The following ERBB4 variants were observed in gnomAD, a reference collection of about 807,000 sequenced individuals.
ERBB4 encodes the protein erb-b2 receptor tyrosine kinase 4.
ERBB4 carries 42 observed loss-of-function variants against 158.0 expected under a neutral mutation model. That is an observed-to-expected ratio of 0.27 (90% confidence interval 0.21 to 0.34). ERBB4 has a LOEUF of 0.34. Ranked by LOEUF, ERBB4 falls within the 10% of genes least tolerant of loss-of-function variation. ERBB4 has a pLI of 1.00. For missense variants in ERBB4, 1,333 were observed against 1,624.1 expected (o/e 0.82, Z 3.08); for synonymous variants, 583 against 558.7 (o/e 1.04, Z -0.61).
intron 14 of ERBB4, 98 bp from the exon 15 acceptor site, chr2:211,665,575 G>A: frequency 8.8e-7 from 1 of 1,132,778 alleles, no homozygotes; most frequent in Non-Finnish European, 1.3e-6. Context: ...TCAGTAGGTG[G>A]CAAATCTTCC....
At chr2:212,451,602 A>C (rs1424246150) in intron 1 of ERBB4, among the ~76,000 whole-genome samples, 1 of 152,212 alleles carries the variant, frequency 6.6e-6, no homozygotes, top group African/African-American at 2.4e-5. Flanking sequence ...AAATTGACAC[A>C]CACCTAGTTT....
In ERBB4 at chr2:211,536,362, G is replaced by A. The variant is rs150670976; in HGVS notation, c.2487+25541C>T. Among the ~76,000 whole-genome samples, 17 of 115,656 alleles carry A rather than the reference G, an allele frequency of 1.5e-4. 1 individual carries two copies. In the East Asian group the frequency reaches 4.8e-3, roughly 33 times the overall value. 75.9% of individuals were successfully genotyped at this position (115,656 alleles called of 152,430 possible). On this transcript the variant is annotated intron_variant, in intron 20 of 27. Coordinates refer to ENST00000342788, the MANE Select transcript of ERBB4 (RefSeq NM_005235.3). ...CAAATAAATAGAAGTCATTGGGTAT[G>A]GAAATCAACAAACCCTAAACTTGAA...
intron 20 of ERBB4, among the ~76,000 whole-genome samples, chr2:211,474,078 AT>A (rs1388588023): frequency 6.6e-6 from 1 of 151,518 alleles, no homozygotes; most frequent in Non-Finnish European, 1.5e-5. Context: ...AAAAAAATCT[AT>A]TTTTCTTTGT....
intron 20 of ERBB4, among the ~76,000 whole-genome samples, chr2:211,458,487 G>A (rs566539763): frequency 2.6e-5 from 4 of 151,820 alleles, no homozygotes; most frequent in African/African-American, 9.7e-5. Flanking sequence ...AGATGGTCTC[G>A]ATCTCCTGAC....
intron 1 of ERBB4, among the ~76,000 whole-genome samples, chr2:212,487,155 C>G (rs958477782): frequency 2.6e-5 from 4 of 152,056 alleles, no homozygotes; most frequent in South Asian, 2.1e-4. Context: ...AAAGACAGTA[C>G]TGTGCCAGAA....
At chr2:211,487,264 G>A (rs985119336) in intron 20 of ERBB4, among the ~76,000 whole-genome samples, 25 of 150,254 alleles carry the variant, frequency 1.7e-4, no homozygotes, top group African/African-American at 5.9e-4. Context: ...TTTTGTCCTT[G>A]AGATAGTAAA....
At chr2:211,608,736 T>C (rs73078786) in intron 19 of ERBB4, among the ~76,000 whole-genome samples, 1,960 of 152,262 alleles carry the variant, frequency 0.013, 36 homozygotes, top group African/African-American at 0.044. Context: ...AGTTAAATTA[T>C]TTTCCACTAT....
intron 25 of ERBB4, among the ~76,000 whole-genome samples, chr2:211,410,374 A>G (rs2063232835): frequency 6.6e-6 from 1 of 152,238 alleles, no homozygotes; most frequent in Non-Finnish European, 1.5e-5. Context: ...CACCTCTTTC[A>G]CATGTGTAAA....
chr2:212,279,638 CT>C (rs1559912569), intron 1 of ERBB4, among the ~76,000 whole-genome samples: 1 of 151,408 alleles, frequency 6.6e-6, no homozygotes, highest in East Asian at 1.9e-4. Flanking sequence ...ATAGCTTTTG[CT>C]TTTTTAATTA....
intron 3 of ERBB4, among the ~76,000 whole-genome samples, chr2:211,840,455 C>CA (rs1375230416): frequency 1.3e-5 from 2 of 152,076 alleles, no homozygotes; most frequent in Non-Finnish European, 2.9e-5. Flanking sequence ...CGTTTGCCCT[C>CA]AGCATATCAC....
intron 3 of ERBB4, among the ~76,000 whole-genome samples, chr2:211,899,916 G>C (rs1291036114): frequency 6.6e-6 from 1 of 152,070 alleles, no homozygotes; most frequent in Admixed American, 6.6e-5. Context: ...TCTAAAATTG[G>C]AATAAACGGA....
chr2:211,969,171 T>C (rs1009604338), intron 2 of ERBB4, among the ~76,000 whole-genome samples: 2 of 151,710 alleles, frequency 1.3e-5, no homozygotes, highest in Non-Finnish European at 2.9e-5. Flanking sequence ...GCATACCCCC[T>C]TTAGGAAAGC....
At chr2:211,738,260 T>C (rs929977037) in intron 5 of ERBB4, among the ~76,000 whole-genome samples, 16 of 152,160 alleles carry the variant, frequency 1.1e-4, no homozygotes, top group African/African-American at 3.9e-4. Flanking sequence ...TTTTTGCAGA[T>C]TTCTTGTATA....
At chr2:211,418,340 C>T (rs1423602898) in intron 25 of ERBB4, among the ~76,000 whole-genome samples, 1 of 152,052 alleles carries the variant, frequency 6.6e-6, no homozygotes, top group Non-Finnish European at 1.5e-5. Flanking sequence ...AGACTGAAAA[C>T]TATTAGGACA....
At chr2:212,372,514 T>C (rs1847673) in intron 1 of ERBB4, among the ~76,000 whole-genome samples, 90,143 of 151,798 alleles carry the variant, frequency 0.59, 28,448 homozygotes, top group African/African-American at 0.8. Flanking sequence ...CTTTGGGAGG[T>C]TGAGGCGGGC....
At chr2:212,150,642 G>C (rs1363119814) in intron 1 of ERBB4, among the ~76,000 whole-genome samples, 1 of 152,098 alleles carries the variant, frequency 6.6e-6, no homozygotes, top group African/African-American at 2.4e-5. Context: ...GAGGAACACA[G>C]GCTGCAGTTT....
At chr2:211,501,248 A>T (rs892694237) in intron 20 of ERBB4, among the ~76,000 whole-genome samples, 1 of 151,952 alleles carries the variant, frequency 6.6e-6, no homozygotes. Context: ...GTACAAAAAT[A>T]TATTTAGATG....
chr2:211,945,145 C>T (rs1223095739), intron 3 of ERBB4, among the ~76,000 whole-genome samples: 2 of 152,096 alleles, frequency 1.3e-5, no homozygotes, highest in African/African-American at 4.8e-5. Flanking sequence ...ATCGGGTTAC[C>T]TAGAACATTT....
At chr2:212,072,403 T>C (rs1381497872) in intron 2 of ERBB4, among the ~76,000 whole-genome samples, 2 of 151,928 alleles carry the variant, frequency 1.3e-5, no homozygotes, top group Non-Finnish European at 2.9e-5. Flanking sequence ...AATGTCTAAA[T>C]TCACAAATCC....
Sources: allele counts gnomAD v4.1 joint callset (sites outside exome capture counted in the v4.1 genomes callset), GRCh38; gene constraint gnomAD v4.1.1; transcripts MANE v1.5; gene names NCBI Gene and HGNC (gene_info 2026-07-23, HGNC 2026-07-21).